RIMKLB: variants seen among roughly 807,000 people sequenced by gnomAD.
RIMKLB encodes beta-citrylglutamate synthase B.
Under a neutral mutation model 32.0 loss-of-function variants are expected in RIMKLB, and 7 were observed. The observed-to-expected ratio is 0.22, with a 90% confidence interval of 0.12 to 0.41. RIMKLB has a LOEUF of 0.41. RIMKLB is among the 10% of genes least tolerant of loss of function. The pLI, the probability that RIMKLB is intolerant of heterozygous loss-of-function variation, is 1.00. For synonymous variants in RIMKLB, 172 were observed against 185.1 expected (o/e 0.93, Z 0.57); for missense variants, 289 against 498.7 (o/e 0.58, Z 4.00).
At chr12:8,722,623 T>C (rs1945568118) in intron 2 of RIMKLB, among the ~76,000 whole-genome samples, 1 of 152,244 alleles carries the variant, frequency 6.6e-6, no homozygotes, top group Admixed American at 6.5e-5. Flanking sequence ...AAGCCAGTTA[T>C]GGACTTCTCT....
At chr12:8,754,549 A>G (rs915372618) in intron 5 of RIMKLB, among the ~76,000 whole-genome samples, 5 of 152,036 alleles carry the variant, frequency 3.3e-5, no homozygotes, top group African/African-American at 1.2e-4. Context: ...TTGGGTTTTT[A>G]TCCTCCTCTT....
At chr12:8,780,322 G>A (rs1433564976), downstream of RIMKLB, 10 of 152,168 alleles carry the variant, frequency 6.6e-5, no homozygotes, top group African/African-American at 2.4e-4. Context: ...GGTGGCAGCT[G>A]CTGAGTGGCT....
At chr12:8,727,504 T>G (rs996517976) in intron 2 of RIMKLB, among the ~76,000 whole-genome samples, 1 of 152,222 alleles carries the variant, frequency 6.6e-6, no homozygotes, top group African/African-American at 2.4e-5. Flanking sequence ...CCCAGAGTGC[T>G]GGGATTACAG....
chr12:8,775,903 C>T lies in RIMKLB; in HGVS notation c.*2119C>T. The T allele has an allele frequency of 1.0e-6, 1 of 985,090 alleles. No individual in the cohort carries two copies. The highest frequency in any genetic ancestry group is 1.2e-6 in the Non-Finnish European group (1 of 829,666). The allele number at this position is 985,090 out of a possible 1,614,324, so 61.0% of individuals were successfully genotyped here. The stretch of plus-strand genomic sequence containing the variant: ...GGGGACTCACATACATATATTAATA[C>T]CTCTGACTCATTAACAGAAAGAAAT... On this transcript the variant is annotated 3_prime_UTR_variant, in exon 6 of 6. Transcript: ENST00000535829.
At chr12:8,769,669 T>C (rs752483256) in intron 5 of RIMKLB, among the ~76,000 whole-genome samples, 1 of 152,116 alleles carries the variant, frequency 6.6e-6, no homozygotes, top group Non-Finnish European at 1.5e-5. Flanking sequence ...TCAACCAGGG[T>C]TTTGCATTCC....
chr12:8,738,120 G>A (rs897666236), intron 2 of RIMKLB, among the ~76,000 whole-genome samples: 5 of 152,140 alleles, frequency 3.3e-5, no homozygotes, highest in Non-Finnish European at 7.3e-5. Context: ...AGGGACAGTG[G>A]GAGCCTCGAC....
chr12:8,773,563 C>A lies in RIMKLB; in HGVS notation c.940C>A (p.Arg314=). The A allele has an allele frequency of 6.2e-7, 1 of 1,614,254 alleles. No homozygotes were observed. Reference sequence around the variant, plus strand: ...CCTTCTACCCTCTGGCCGGCTCACCCGGCGTATGTCCCTGCTCTCCGTGGT... The same window carrying A: ...CCTTCTACCCTCTGGCCGGCTCACCAGGCGTATGTCCCTGCTCTCCGTGGT... ...ASLLPSGRLT[R]RMSLLSVVST... is the part of the protein sequence containing the mutation. Residue 314 remains arginine (R), a synonymous_variant, in exon 6 of 6, where the codon CGG becomes AGG. Coordinates refer to ENST00000535829, the MANE Select transcript of RIMKLB (RefSeq NM_001297776.2).
chr12:8,686,006 C>T (rs997240333), intron 1 of RIMKLB, among the ~76,000 whole-genome samples: 2 of 152,112 alleles, frequency 1.3e-5, no homozygotes, highest in African/African-American at 2.4e-5. Context: ...CGGGGTTTCA[C>T]CATATTGGCC....
At chr12:8,678,384 G>A (rs1368880576), upstream of RIMKLB, among the ~76,000 whole-genome samples, 1 of 151,476 alleles carries the variant, frequency 6.6e-6, no homozygotes, top group Non-Finnish European at 1.5e-5. Flanking sequence ...AGGCTGGGGT[G>A]CAATGGTGAG....
rs1943782436 is a variant in RIMKLB at position 8,705,430 on chromosome 12, TCACGTCA to T, written c.-57+7135_-57+7141del. ...AGGCAGAGGTTGCAGTGAGCCAAGA[TCACGTCA>T]CTGTACTCCAGCCTGGGTGACAGAT... On this transcript the variant is annotated intron_variant, in intron 1 of 5. Coordinates refer to ENST00000535829, the MANE Select transcript of RIMKLB (RefSeq NM_001297776.2). Among the ~76,000 whole-genome samples the T allele has an allele frequency of 5.6e-5, 8 of 143,708 alleles. 1 individual carries two copies. The Admixed American group carries it at 5.8e-4, about 10-fold the overall frequency. 94.3% of individuals were successfully genotyped at this position (143,708 alleles called of 152,430 possible).
At chr12:8,781,462 A>G (rs143327258), downstream of RIMKLB, among the ~76,000 whole-genome samples, 1 of 152,326 alleles carries the variant, frequency 6.6e-6, no homozygotes, top group East Asian at 1.9e-4. Context: ...CCAGCTGGCT[A>G]TCTAGGTCAA....
chr12:8,715,511 A>T (rs71447530), intron 2 of RIMKLB, among the ~76,000 whole-genome samples: 2,053 of 152,236 alleles, frequency 0.013, 18 homozygotes, highest in Admixed American at 0.035. Flanking sequence ...GGCATGAGGC[A>T]CCATGCCCAC....
chr12:8,687,192 A>G (rs1942603245), intron 1 of RIMKLB, among the ~76,000 whole-genome samples: 1 of 152,222 alleles, frequency 6.6e-6, no homozygotes, highest in Non-Finnish European at 1.5e-5. Flanking sequence ...TTTTTTTAGT[A>G]TGTGTCTCAA....
intron 5 of RIMKLB, among the ~76,000 whole-genome samples, chr12:8,758,967 C>T (rs1022351476): frequency 2.6e-5 from 4 of 152,128 alleles, no homozygotes; most frequent in African/African-American, 9.7e-5. Context: ...AATTGAATTG[C>T]AATTTGTATT....
intron 3 of RIMKLB, among the ~76,000 whole-genome samples, chr12:8,750,470 G>C (rs1014236801): frequency 2.6e-5 from 4 of 152,112 alleles, no homozygotes; most frequent in African/African-American, 9.7e-5. Flanking sequence ...ACAGGCCTTA[G>C]TTTGCCAACC....
the RIMKLB span, among the ~76,000 whole-genome samples, chr12:8,672,577 C>G: frequency 1.3e-5 from 2 of 152,006 alleles, no homozygotes; most frequent in Non-Finnish European, 2.9e-5. Flanking sequence ...GACTTAATCA[C>G]TACCACGAGA....
chr12:8,733,199 G>T (rs1247688535), intron 2 of RIMKLB, among the ~76,000 whole-genome samples: 1 of 151,566 alleles, frequency 6.6e-6, no homozygotes, highest in Non-Finnish European at 1.5e-5. Context: ...ATCTCGTAAG[G>T]CATAGTACAG....
the RIMKLB span, among the ~76,000 whole-genome samples, chr12:8,673,093 G>A: frequency 6.6e-6 from 1 of 152,078 alleles, no homozygotes; most frequent in African/African-American, 2.4e-5. Flanking sequence ...TGTTAGCCAG[G>A]CTAGTCTTGA....
rs748105863 is a variant in RIMKLB at position 8,754,031 on chromosome 12, G to A, written c.635G>A (p.Arg212His). Residue 212 changes from arginine to histidine, a missense_variant, in exon 5 of 6, where the codon CGT becomes CAT. Around this residue, in one of 3 missense-constraint regions of RIMKLB, gnomAD observed 156 missense variants for 329.5 expected, o/e 0.47. Transcript: ENST00000535829. ...RDVRVIVVGGRVVGTMLRCST... is the reference protein window; with the variant it reads ...RDVRVIVVGGHVVGTMLRCST... ...GTACGTGTCATTGTCGTGGGAGGCC[G>A]TGTGGTTGGCACCATGTTACGTTGT... 22 of 1,613,938 alleles carry A rather than the reference G, an allele frequency of 1.4e-5. No homozygotes were observed. The highest frequency in any genetic ancestry group is 1.7e-5 in the Admixed American group (1 of 59,994).
Sources: allele counts gnomAD v4.1 joint callset (sites outside exome capture counted in the v4.1 genomes callset), GRCh38; gene constraint gnomAD v4.1.1; regional missense constraint gnomAD v4.1.1; transcripts MANE v1.5; gene names NCBI Gene and HGNC (gene_info 2026-07-23, HGNC 2026-07-21).